The following SERPINE3 variants were observed in gnomAD, a reference collection of about 807,000 sequenced individuals.
SERPINE3 encodes serpin E3.
A neutral mutation model predicts 41.7 loss-of-function variants in SERPINE3; 43 were observed. That is an observed-to-expected ratio of 1.03 (90% CI 0.81 to 1.33). The LOEUF (loss-of-function observed/expected upper bound fraction) is 1.33. Among genes scored for constraint, SERPINE3 ranks in the 40% most tolerant of loss-of-function variants. The pLI, the probability that SERPINE3 is intolerant of heterozygous loss-of-function variation, is 0.00. For synonymous variants in SERPINE3, 200 were observed against 192.2 expected (o/e 1.04, Z -0.34); for missense variants, 440 against 491.7 (o/e 0.89, Z 0.99).
At chr13:51,344,689 C>G (rs967274463) in intron 4 of SERPINE3, among the ~76,000 whole-genome samples, 3 of 151,922 alleles carry the variant, frequency 2.0e-5, no homozygotes, top group African/African-American at 4.8e-5. Context: ...CTCTCCCACA[C>G]AAATATACAC....
Position 51,364,248 on chromosome 13 carries a change from T to C in SERPINE3, c.1181T>C (p.Phe394Ser). 1 of 1,458,922 alleles carries C rather than the reference T, an allele frequency of 6.9e-7. No individual in the cohort carries two copies. The highest frequency in any genetic ancestry group is 9.2e-7 in the Non-Finnish European group (1 of 1,086,400). The allele number at this position is 1,458,922 out of a possible 1,614,324, so 90.4% of individuals were successfully genotyped here. A position where few individuals can be genotyped will look rare whatever the true frequency, so the allele number is the denominator to read the frequency against. ...FLREPNTGFV[F>S]SIGRVSNPLD ...TTCTTTTTCTTGACAGGGTTTGTCT[T>C]CAGTATTGGGAGAGTTTCAAATCCC... Residue 394 changes from phenylalanine to serine, a missense_variant, in exon 10 of 10, where the codon TTC (phenylalanine) becomes TCC (serine). Phe to Ser is a radical substitution (Grantham distance 155). Coordinates refer to ENST00000681248, the MANE Select transcript of SERPINE3 (RefSeq NM_001386375.1).
intron 6 of SERPINE3, among the ~76,000 whole-genome samples, chr13:51,353,324 G>C (rs918409673): frequency 6.6e-6 from 1 of 152,050 alleles, no homozygotes; most frequent in Non-Finnish European, 1.5e-5. Context: ...AATCACAATG[G>C]TAACAATAAG....
chr13:51,358,126 T>A (rs1245478036), intron 7 of SERPINE3, among the ~76,000 whole-genome samples: 1 of 152,062 alleles, frequency 6.6e-6, no homozygotes, highest in South Asian at 2.1e-4. Context: ...TTCTTAGCAC[T>A]CTCTCTCCCT....
chr13:51,346,579 C>T (rs1955348060), intron 4 of SERPINE3, among the ~76,000 whole-genome samples: 2 of 152,200 alleles, frequency 1.3e-5, no homozygotes, highest in Non-Finnish European at 2.9e-5. Context: ...TCACTGCCCC[C>T]ACCTCCCCTG....
intron 7 of SERPINE3, among the ~76,000 whole-genome samples, chr13:51,355,441 C>T (rs1194396726): frequency 1.3e-5 from 2 of 152,086 alleles, no homozygotes; most frequent in Non-Finnish European, 2.9e-5. Context: ...TAGGAGTGTA[C>T]CCAAGGCATT....
intron 5 of SERPINE3, among the ~76,000 whole-genome samples, chr13:51,347,693 G>A (rs1395891606): frequency 6.6e-6 from 1 of 152,100 alleles, no homozygotes; most frequent in Non-Finnish European, 1.5e-5. Context: ...TAAACTGCAC[G>A]CCCTTCTGAA....
intron 7 of SERPINE3, among the ~76,000 whole-genome samples, chr13:51,359,137 G>A (rs1407186343): frequency 1.3e-5 from 2 of 152,044 alleles, no homozygotes; most frequent in Non-Finnish European, 2.9e-5. Flanking sequence ...TAGGGCGTAT[G>A]TCCCTCAATG....
At chr13:51,347,584 G>A (rs917944044) in intron 5 of SERPINE3, among the ~76,000 whole-genome samples, 1 of 152,164 alleles carries the variant, frequency 6.6e-6, no homozygotes, top group Non-Finnish European at 1.5e-5. Context: ...GGGTACAGTA[G>A]TACCCTGTAC....
At chr13:51,362,167 T>C (rs1022913062) in intron 9 of SERPINE3, 25 of 835,216 alleles carry the variant, frequency 3.0e-5, no homozygotes, top group Non-Finnish European at 4.1e-5. Flanking sequence ...AGGTTTCTAC[T>C]TCTGAAGACA....
At chr13:51,362,497 A>C (rs959675663) in intron 9 of SERPINE3, 1 of 152,628 alleles carries the variant, frequency 6.6e-6, no homozygotes, top group African/African-American at 2.4e-5. Flanking sequence ...AATATTGAAC[A>C]AAGTCTTTAG....
chr13:51,347,162 C>CT lies in SERPINE3; in HGVS notation c.629dup (p.Pro211AlafsTer55). 6.2e-7 allele frequency: 1 copy of CT among 1,614,006 alleles called. No homozygotes were observed. The highest frequency in any genetic ancestry group is 8.5e-7 in the Non-Finnish European group (1 of 1,179,890). Reference sequence around the variant, plus strand: ...ATTCTCCTCCACAGACACACAGATCCTGCCTTTCACCTGTGCCTATGGCCT... The same window carrying CT: ...ATTCTCCTCCACAGACACACAGATCCTTGCCTTTCACCTGTGCCTATGGCCT... On this transcript the variant is annotated frameshift_variant, in exon 5 of 10. Transcript: ENST00000681248. LOFTEE classifies it high-confidence loss of function.
At chr13:51,358,251 C>T (rs555351669) in intron 7 of SERPINE3, among the ~76,000 whole-genome samples, 4 of 152,162 alleles carry the variant, frequency 2.6e-5, no homozygotes, top group African/African-American at 9.6e-5. Flanking sequence ...CTGGCAATAA[C>T]ATTTTAAAAG....
intron 3 of SERPINE3, among the ~76,000 whole-genome samples, chr13:51,343,984 G>A (rs1467054615): frequency 6.6e-6 from 1 of 152,208 alleles, no homozygotes; most frequent in Non-Finnish European, 1.5e-5. Flanking sequence ...TCTACTGGAT[G>A]TTGGTAGTGT....
intron 6 of SERPINE3, among the ~76,000 whole-genome samples, chr13:51,353,486 G>C (rs896639143): frequency 8.5e-5 from 13 of 152,300 alleles, no homozygotes; most frequent in South Asian, 4.1e-4. Context: ...CGGAGGTAAA[G>C]TAACTAGTTT....
chr13:51,345,404 C>G (rs1229035805), intron 4 of SERPINE3, among the ~76,000 whole-genome samples: 3 of 151,968 alleles, frequency 2.0e-5, no homozygotes, highest in Non-Finnish European at 4.4e-5. Context: ...ACTAGCCTGG[C>G]CAACATGGTG....
intron 7 of SERPINE3, among the ~76,000 whole-genome samples, chr13:51,359,115 CT>C (rs1955523173): frequency 6.6e-6 from 1 of 152,060 alleles, no homozygotes; most frequent in Admixed American, 6.6e-5. Flanking sequence ...TTGAGAACAA[CT>C]TTTGGGAAAA....
intron 4 of SERPINE3, among the ~76,000 whole-genome samples, chr13:51,344,894 G>A (rs527941036): frequency 6.6e-6 from 1 of 152,272 alleles, no homozygotes; most frequent in African/African-American, 2.4e-5. Flanking sequence ...TGGTTTCCTG[G>A]GAATTTAGGT....
chr13:51,346,496 G>T (rs1256584431), intron 4 of SERPINE3, among the ~76,000 whole-genome samples: 1 of 152,074 alleles, frequency 6.6e-6, no homozygotes, highest in Non-Finnish European at 1.5e-5. Context: ...AGCAACAGCT[G>T]GTTATAAACA....
At position 51,355,844 on chromosome 13, in the gene SERPINE3, T is replaced by C. The variant is rs180677976; in HGVS notation, c.1000+701T>C. Reference sequence around the variant, plus strand: ...ACTATTGCCAACTCAAAGGCTCAGGTTTGTTTCTACTCTGGATAGTAAATT... The same window carrying C: ...ACTATTGCCAACTCAAAGGCTCAGGCTTGTTTCTACTCTGGATAGTAAATT... On this transcript the variant is annotated intron_variant, in intron 7 of 9. Transcript: ENST00000681248. 1.4e-4 allele frequency among the ~76,000 whole-genome samples: 21 copies of C among 152,296 alleles called. No homozygotes were observed. The East Asian group carries it at 3.9e-3, about 28-fold the overall frequency.
Sources: gnomAD v4.1 joint callset for allele counts (sites outside exome capture counted in the v4.1 genomes callset) on GRCh38, gnomAD v4.1.1 for gene constraint, MANE v1.5 for transcripts, NCBI Gene and HGNC (gene_info 2026-07-23, HGNC 2026-07-21) for gene names.